Variants in CFAP91 observed in about 807,000 individuals in gnomAD.
CFAP91 encodes the protein cilia- and flagella-associated protein 91.
In CFAP91, 85 loss-of-function variants were observed where a neutral mutation model predicts 95.9. The observed-to-expected ratio is 0.89, with a 90% CI of 0.74 to 1.06. The LOEUF (loss-of-function observed/expected upper bound fraction) is 1.06. Among genes scored for constraint, CFAP91 ranks in the 50% least tolerant of loss-of-function variants. CFAP91 has a pLI of 0.00. For missense variants in CFAP91, 962 were observed against 943.4 expected, an observed-to-expected ratio of 1.02 and a Z score of -0.26; for synonymous variants, 335 against 327.5, an observed-to-expected ratio of 1.02 and a Z score of -0.25.
In CFAP91 at chr3:119,747,887, T is replaced by G; in HGVS notation, c.2128T>G (p.Phe710Val). ...SFLIPEVQKY[F>V]VKEKVRNAQR... The stretch of plus-strand genomic sequence containing the variant: ...TCTGATCCCAGAGGTGCAAAAATAC[T>G]TTGTCAAAGAAAAAGGTAAGCCAAT... Residue 710 changes from phenylalanine to valine, a missense_variant, in exon 16 of 18, where the codon TTT becomes GTT. Transcript: ENST00000273390. 6.2e-7 allele frequency: 1 copy of G among 1,612,546 alleles called. No homozygotes were observed. The highest frequency in any genetic ancestry group is 1.3e-5 in the African/African-American group (1 of 75,012).
At chr3:119,764,619 A>G (rs907592557) in intron 17 of CFAP91, among the ~76,000 whole-genome samples, 1 of 152,138 alleles carries the variant, frequency 6.6e-6, no homozygotes, top group African/African-American at 2.4e-5. Context: ...ATATACAAAC[A>G]AATACATATA....
At chr3:119,757,783 C>T (rs2054461403) in intron 17 of CFAP91, among the ~76,000 whole-genome samples, 3 of 152,088 alleles carry the variant, frequency 2.0e-5, no homozygotes. Flanking sequence ...AGGGACATTA[C>T]CAGGGGAAAG....
At chr3:119,760,808 T>A (rs191939392) in intron 17 of CFAP91, among the ~76,000 whole-genome samples, 7 of 145,738 alleles carry the variant, frequency 4.8e-5, no homozygotes, top group Admixed American at 4.1e-4. Context: ...AAAGGGAAAT[T>A]AAAAAAAAAA....
chr3:119,753,524 C>G (rs2054366869), intron 17 of CFAP91, among the ~76,000 whole-genome samples: 1 of 152,118 alleles, frequency 6.6e-6, no homozygotes, highest in African/African-American at 2.4e-5. Flanking sequence ...TATTCTAGAC[C>G]TCTATTTTCA....
chr3:119,706,753 C>T (rs961054583), intron 1 of CFAP91, 56 bp from the exon 2 acceptor site: 1 of 1,310,038 alleles, frequency 7.6e-7, no homozygotes, highest in African/African-American at 1.5e-5. Flanking sequence ...CCATTATTCT[C>T]AGCCTAGGGG....
chr3:119,718,676 GA>G (rs992051080), intron 6 of CFAP91, among the ~76,000 whole-genome samples: 4 of 150,628 alleles, frequency 2.7e-5, no homozygotes, highest in Non-Finnish European at 5.9e-5. Context: ...TACCTACAAA[GA>G]AAAAAAAAGA....
At chr3:119,753,736 T>A (rs998630114) in intron 17 of CFAP91, among the ~76,000 whole-genome samples, 1 of 151,950 alleles carries the variant, frequency 6.6e-6, no homozygotes, top group East Asian at 1.9e-4. Context: ...AGTGGTGATT[T>A]GTGAGATTTT....
At chr3:119,755,963 AGAGT>A (rs1411776083) in intron 17 of CFAP91, among the ~76,000 whole-genome samples, 1 of 152,206 alleles carries the variant, frequency 6.6e-6, no homozygotes, top group Non-Finnish European at 1.5e-5. Context: ...AAAAGGAGAA[AGAGT>A]GAGTAGGCAT....
intron 1 of CFAP91, among the ~76,000 whole-genome samples, chr3:119,704,440 A>T (rs958152548): frequency 6.6e-6 from 1 of 152,164 alleles, no homozygotes; most frequent in Non-Finnish European, 1.5e-5. Context: ...AATCAGAACT[A>T]AGATGCTGTG....
intron 17 of CFAP91, 25 bp downstream of exon 17, chr3:119,751,123 A>G: frequency 6.3e-7 from 1 of 1,576,898 alleles, no homozygotes; most frequent in Non-Finnish European, 8.6e-7. Context: ...CCACCAGGAA[A>G]AAAAGCAGAG....
At position 119,742,465 on chromosome 3, in the gene CFAP91, G is replaced by C. The variant is rs370851144; in HGVS notation, c.1681-1510G>C. Among the ~76,000 whole-genome samples, 12 of 152,196 alleles carry C rather than the reference G, an allele frequency of 7.9e-5. No homozygotes were observed. The East Asian group carries it at 2.1e-3, about 27-fold the overall frequency. On this transcript the variant is annotated intron_variant, in intron 13 of 17. Transcript: ENST00000273390. Reference sequence around the variant, plus strand: ...AAACATTTCCCTTAATTTCAAATTAGATGGTACTGCCTGTGCCTACCCAGA... The same window carrying C: ...AAACATTTCCCTTAATTTCAAATTACATGGTACTGCCTGTGCCTACCCAGA...
intron 17 of CFAP91, among the ~76,000 whole-genome samples, chr3:119,758,874 T>G (rs1047104893): frequency 3.3e-5 from 5 of 152,096 alleles, no homozygotes. Flanking sequence ...TTTCAATGAC[T>G]TGAACCGAAA....
chr3:119,757,539 C>T (rs748046920), intron 17 of CFAP91, among the ~76,000 whole-genome samples: 3 of 151,980 alleles, frequency 2.0e-5, no homozygotes, highest in East Asian at 3.9e-4. Flanking sequence ...CCCAGCTATT[C>T]GGGAAGCTGA....
At chr3:119,734,726 T>A (rs1189065233) in intron 10 of CFAP91, among the ~76,000 whole-genome samples, 1 of 152,196 alleles carries the variant, frequency 6.6e-6, no homozygotes, top group Non-Finnish European at 1.5e-5. Context: ...GAAATGACCT[T>A]CTTGTTTTTC....
chr3:119,717,833 A>G (rs1398295196), intron 6 of CFAP91, among the ~76,000 whole-genome samples: 4 of 152,170 alleles, frequency 2.6e-5, no homozygotes, highest in Non-Finnish European at 4.4e-5. Flanking sequence ...AAACAGCAGC[A>G]TATAGTATGC....
At chr3:119,732,209 A>G (rs1015935417) in intron 8 of CFAP91, 85 bp from the exon 9 acceptor site, 11 of 1,036,208 alleles carry the variant, frequency 1.1e-5, no homozygotes, top group Admixed American at 2.6e-5. Flanking sequence ...TTCTCTGTGA[A>G]TAACACTAGC....
At chr3:119,748,390 A>G (rs78947589) in intron 16 of CFAP91, among the ~76,000 whole-genome samples, 2,247 of 152,324 alleles carry the variant, frequency 0.015, 40 homozygotes, top group African/African-American at 0.038. Context: ...ATCCTAATTT[A>G]TCATTTGTCA....
At chr3:119,736,829 T>G (rs1262337694) in intron 10 of CFAP91, among the ~76,000 whole-genome samples, 2 of 152,118 alleles carry the variant, frequency 1.3e-5, no homozygotes, top group Non-Finnish European at 2.9e-5. Flanking sequence ...GTCTAGTCAG[T>G]GGTTAACTTT....
intron 10 of CFAP91, among the ~76,000 whole-genome samples, chr3:119,736,753 TG>T (rs1387739368): frequency 6.6e-6 from 1 of 152,256 alleles, no homozygotes; most frequent in African/African-American, 2.4e-5. Context: ...AACATTCCAT[TG>T]TGTGGATATA....
Sources: allele counts gnomAD v4.1 joint callset (sites outside exome capture counted in the v4.1 genomes callset), GRCh38; gene constraint gnomAD v4.1.1; transcripts MANE v1.5; gene names NCBI Gene and HGNC (gene_info 2026-07-23, HGNC 2026-07-21).